Variants in CAPN9 observed in about 807,000 individuals in gnomAD.
CAPN9 encodes calpain-9.
CAPN9 carries 81 observed loss-of-function variants against 92.8 expected under a neutral mutation model. The observed-to-expected ratio is 0.87, with a 90% CI of 0.73 to 1.05. The LOEUF (loss-of-function observed/expected upper bound fraction) is 1.05, where lower values mean the gene tolerates loss of function less well. CAPN9 is among the 50% of genes least tolerant of loss of function. The pLI is 0.00. For synonymous variants in CAPN9, 304 were observed against 328.0 expected, an observed-to-expected ratio of 0.93 and a Z score of 0.79; for missense variants, 848 against 866.2, an observed-to-expected ratio of 0.98 and a Z score of 0.26.
At chr1:230,763,069 T>A (rs1351537562) in intron 4 of CAPN9, among the ~76,000 whole-genome samples, 2 of 152,168 alleles carry the variant, frequency 1.3e-5, no homozygotes, top group African/African-American at 4.8e-5. Context: ...CGGAGGGGAA[T>A]TCTGGCTGTG....
chr1:230,788,792 A>T (rs529709712), intron 13 of CAPN9, among the ~76,000 whole-genome samples: 2 of 152,184 alleles, frequency 1.3e-5, no homozygotes, highest in Admixed American at 1.3e-4. Flanking sequence ...TATCTGGAGC[A>T]TGCTGGGTCA....
At chr1:230,793,518 G>T (rs1668145881) in intron 17 of CAPN9, among the ~76,000 whole-genome samples, 1 of 152,194 alleles carries the variant, frequency 6.6e-6, no homozygotes, top group Non-Finnish European at 1.5e-5. Flanking sequence ...ATGGCTGTCG[G>T]CATCTCTGTG....
rs149818978 is a variant in CAPN9, at chr1:230,759,619, T to C, written c.391T>C (p.Phe131Leu). ...QSFGPGYAGIFHFQFWQHSEW... is the reference protein window; with the variant it reads ...QSFGPGYAGILHFQFWQHSEW... ...CTTTGGCCCTGGTTATGCCGGGATATTCCATTTCCAGGTAAGAGGGAGCCC... is the reference window on the plus strand; with the variant it reads ...CTTTGGCCCTGGTTATGCCGGGATACTCCATTTCCAGGTAAGAGGGAGCCC... Residue 131 changes from phenylalanine to leucine, a missense_variant, in exon 3 of 20, where the codon TTC becomes CTC. Phe to Leu is a conservative substitution (Grantham distance 22). Coordinates refer to ENST00000271971, the MANE Select transcript of CAPN9 (RefSeq NM_006615.3). 6.2e-7 allele frequency: 1 copy of C among 1,604,176 alleles called. No homozygotes were observed. Among genetic ancestry groups the C allele is most frequent in the South Asian group, 1.1e-5 (1 of 88,590 alleles).
intron 1 of CAPN9, among the ~76,000 whole-genome samples, chr1:230,747,929 C>T (rs932164923): frequency 1.1e-4 from 17 of 152,108 alleles, no homozygotes; most frequent in African/African-American, 3.9e-4. Context: ...TGGTTGTACC[C>T]GCTCCCCGGC....
At chr1:230,764,171 C>T (rs1398648629) in intron 4 of CAPN9, among the ~76,000 whole-genome samples, 1 of 152,170 alleles carries the variant, frequency 6.6e-6, no homozygotes, top group Non-Finnish European at 1.5e-5. Context: ...CTGGGTGTGT[C>T]TGTGAGAGTG....
At chr1:230,778,921 G>A in intron 8 of CAPN9, 52 bp from the exon 9 acceptor site, 1 of 1,463,868 alleles carries the variant, frequency 6.8e-7, no homozygotes, top group South Asian at 1.2e-5. Flanking sequence ...GTGAATGGAT[G>A]ATGCCCTCAC....
intron 1 of CAPN9, among the ~76,000 whole-genome samples, chr1:230,753,204 G>A (rs1161748515): frequency 1.3e-5 from 2 of 152,180 alleles, no homozygotes; most frequent in East Asian, 1.9e-4. Context: ...ACCTGGAGCT[G>A]GGGGTGGGAA....
At chr1:230,769,126 C>A in intron 5 of CAPN9, 54 bp from the exon 6 acceptor site, 1 of 1,416,574 alleles carries the variant, frequency 7.1e-7, no homozygotes, top group Non-Finnish European at 1.0e-6. Context: ...TCTGATCCAG[C>A]AGGGGAGGCT....
chr1:230,794,857 CT>C (rs1213707646), intron 17 of CAPN9, among the ~76,000 whole-genome samples: 1 of 152,200 alleles, frequency 6.6e-6, no homozygotes, highest in African/African-American at 2.4e-5. Context: ...CAGCGAGACT[CT>C]ATGGGTGATG....
intron 19 of CAPN9, among the ~76,000 whole-genome samples, chr1:230,799,952 G>T (rs373798408): frequency 1.4e-4 from 22 of 152,040 alleles, no homozygotes; most frequent in East Asian, 1.4e-3. Flanking sequence ...GCTGAGGCGG[G>T]TGAATCACGA....
intron 11 of CAPN9, among the ~76,000 whole-genome samples, chr1:230,784,831 A>G (rs947783680): frequency 6.6e-6 from 1 of 152,242 alleles, no homozygotes; most frequent in Non-Finnish European, 1.5e-5. Flanking sequence ...AACTGTGGGA[A>G]GGCGGCCATC....
intron 15 of CAPN9, 102 bp from the exon 16 acceptor site, chr1:230,792,324 C>A: frequency 1.1e-6 from 1 of 933,316 alleles, no homozygotes; most frequent in Non-Finnish European, 1.8e-6. Context: ...TGCACCCAGG[C>A]CAGCCCATCG....
At chr1:230,769,657 CTATCTATCTATCT>C (rs1242744502) in intron 6 of CAPN9, among the ~76,000 whole-genome samples, 1 of 131,166 alleles carries the variant, frequency 7.6e-6, no homozygotes, top group Non-Finnish European at 1.7e-5. Flanking sequence ...ATCTATCTAT[CTATCTATCTATCT>C]ATCTATCTAT....
chr1:230,800,616 A>T (rs1303278565), intron 19 of CAPN9, among the ~76,000 whole-genome samples: 1 of 152,124 alleles, frequency 6.6e-6, no homozygotes, highest in Non-Finnish European at 1.5e-5. Flanking sequence ...ACCCTGCAGT[A>T]CAACAGTGAA....
chr1:230,792,699 G>A, intron 16 of CAPN9, 151 bp from the exon 17 acceptor site: 1 of 765,456 alleles, frequency 1.3e-6, no homozygotes, highest in Non-Finnish European at 2.2e-6. Flanking sequence ...AGACAAAAGG[G>A]AGACCGACTT....
At chr1:230,799,073 C>G (rs993855384) in intron 19 of CAPN9, among the ~76,000 whole-genome samples, 2 of 152,214 alleles carry the variant, frequency 1.3e-5, no homozygotes, top group Non-Finnish European at 2.9e-5. Flanking sequence ...TTCTACCTAA[C>G]AACTCTGAAG....
intron 5 of CAPN9, among the ~76,000 whole-genome samples, chr1:230,768,056 A>AT (rs71179735): frequency 6.2e-5 from 5 of 80,240 alleles, no homozygotes; most frequent in Non-Finnish European, 1.3e-4. Flanking sequence ...AAATAAATAA[A>AT]AAATAAAATA....
intron 17 of CAPN9, 94 bp downstream of exon 17, chr1:230,793,022 A>T: frequency 1.1e-6 from 1 of 943,846 alleles, no homozygotes; most frequent in Non-Finnish European, 1.7e-6. Context: ...TCTGCTGCCC[A>T]GGAGGTGGGC....
chr1:230,767,643 C>A lies in CAPN9; in HGVS notation c.639C>A (p.Pro213=). ...VAETFQTKEA[P]ENFYEILEKA... Reference sequence around the variant, plus strand: ...AGACCTTCCAAACTAAAGAGGCCCCCGAGAACTTCTATGAGATTCTAGAGA... The same window carrying A: ...AGACCTTCCAAACTAAAGAGGCCCCAGAGAACTTCTATGAGATTCTAGAGA... Residue 213 remains proline, a synonymous_variant, in exon 5 of 20, where the codon CCC becomes CCA. Transcript: ENST00000271971. 1 of 1,613,918 alleles carries A rather than the reference C, an allele frequency of 6.2e-7. No homozygotes were observed. The highest frequency in any genetic ancestry group is 8.5e-7 in the Non-Finnish European group (1 of 1,179,950).
Sources: allele counts gnomAD v4.1 joint callset (sites outside exome capture counted in the v4.1 genomes callset), GRCh38; gene constraint gnomAD v4.1.1; transcripts MANE v1.5; gene names NCBI Gene and HGNC (gene_info 2026-07-23, HGNC 2026-07-21).